Variants in CHDH observed in about 807,000 individuals in gnomAD.
CHDH encodes choline dehydrogenase, mitochondrial.
In CHDH, 43 loss-of-function variants were observed where a neutral mutation model predicts 56.9. The observed-to-expected ratio is 0.76, with a 90% confidence interval of 0.59 to 0.97. The LOEUF is 0.97. Ranked by LOEUF, CHDH falls within the 50% of genes least tolerant of loss-of-function variation. CHDH has a pLI of 0.00. For missense variants in CHDH, 816 were observed against 821.1 expected (o/e 0.99, Z 0.08); for synonymous variants, 364 against 348.5 (o/e 1.04, Z -0.50).
In CHDH at chr3:53,823,959, C is replaced by T; in HGVS notation, c.50G>A (p.Gly17Glu). 4 of 1,516,732 alleles carry T rather than the reference C, an allele frequency of 2.6e-6. No homozygotes were observed. Among genetic ancestry groups the T allele is most frequent in the Non-Finnish European group, 3.5e-6 (4 of 1,138,948 alleles). 94.0% of individuals were successfully genotyped at this position (1,516,732 alleles called of 1,614,324 possible). ...CAGGGATTGCTGCTGCCCCAGGGCT[C>T]CCCGTGCCAGGGCTCCAGGCCGGCC... Reference protein sequence around the residue: ...GLGRPGALARGALGQQQSLGA... With the variant: ...GLGRPGALAREALGQQQSLGA... Residue 17 changes from glycine (G) to glutamate (E), a missense_variant, in exon 3 of 9, where the codon GGA (glycine) becomes GAA (glutamate). Coordinates refer to ENST00000315251, the MANE Select transcript of CHDH (RefSeq NM_018397.5).
At chr3:53,839,187 T>G (rs1224786241) in intron 2 of CHDH, among the ~76,000 whole-genome samples, 4 of 152,036 alleles carry the variant, frequency 2.6e-5, no homozygotes, top group African/African-American at 9.7e-5. Flanking sequence ...CAGGCAGGGG[T>G]CTGAACGGGA....
intron 2 of CHDH, among the ~76,000 whole-genome samples, chr3:53,837,677 C>T (rs1698540716): frequency 6.6e-6 from 1 of 152,200 alleles, no homozygotes. Context: ...TTCCAGGCCT[C>T]TGCCCTCTGC....
In CHDH at chr3:53,816,145, C is replaced by CT. The variant is rs1248074712; in HGVS notation, c.*1631_*1632insA. Reference sequence around the variant, plus strand: ...GTGGCTGTCGGACGCCCCCCCCCCCCGCCCCAGTCTGTAAGCCGCCCCAAT... The same window carrying CT: ...GTGGCTGTCGGACGCCCCCCCCCCCCTGCCCCAGTCTGTAAGCCGCCCCAAT... On this transcript the variant is annotated 3_prime_UTR_variant, in exon 9 of 9. Transcript: ENST00000315251. 1 of 109,466 alleles carries CT rather than the reference C, an allele frequency of 9.1e-6. No individual in the cohort carries two copies. The highest frequency in any genetic ancestry group is 1.8e-5 in the Non-Finnish European group (1 of 56,294). 6.8% of individuals were successfully genotyped at this position (109,466 alleles called of 1,614,324 possible).
rs112121329 is a variant in CHDH at position 53,829,941 on chromosome 3, G to C, written c.-59-5874C>G. 8.1e-3 allele frequency among the ~76,000 whole-genome samples: 1,237 copies of C among 152,182 alleles called. 25 individuals carry two copies. Among genetic ancestry groups the C allele is most frequent in the African/African-American group, 0.027 (1,132 of 41,500 alleles). ...TTCAAACCAACTTTGGGTGGTGGGG[G>C]GTTGATCCCACCCTCCATGGGCAAC... On this transcript the variant is annotated intron_variant, in intron 2 of 8. Transcript: ENST00000315251.
At chr3:53,836,036 G>C (rs1398329335) in intron 2 of CHDH, among the ~76,000 whole-genome samples, 2 of 152,178 alleles carry the variant, frequency 1.3e-5, no homozygotes, top group African/African-American at 2.4e-5. Context: ...AGCCAAGAAG[G>C]CTTGGCTGCT....
intron 2 of CHDH, among the ~76,000 whole-genome samples, chr3:53,827,484 T>TA (rs373739773): frequency 0.015 from 2,237 of 150,182 alleles, 58 homozygotes; most frequent in African/African-American, 0.051. Context: ...ATACCATCTC[T>TA]AAAAAAAAAT....
chr3:53,831,006 C>T (rs1443454747), intron 2 of CHDH, among the ~76,000 whole-genome samples: 1 of 152,190 alleles, frequency 6.6e-6, no homozygotes, highest in Non-Finnish European at 1.5e-5. Context: ...AGTGGCCTTT[C>T]CGGACCAACC....
At chr3:53,845,709 C>A (rs994190340) in intron 1 of CHDH, among the ~76,000 whole-genome samples, 6 of 152,158 alleles carry the variant, frequency 3.9e-5, no homozygotes, top group African/African-American at 1.4e-4. Flanking sequence ...GCTAGAGATC[C>A]CGGGCCAGGG....
intron 2 of CHDH, among the ~76,000 whole-genome samples, chr3:53,836,950 G>A (rs1296649252): frequency 6.6e-6 from 1 of 152,258 alleles, no homozygotes; most frequent in Non-Finnish European, 1.5e-5. Flanking sequence ...TCTGGGCTGA[G>A]GCAGGATTGC....
In CHDH at chr3:53,815,906, A is replaced by T. The variant is rs2095614930; in HGVS notation, c.*1871T>A. The T allele has an allele frequency of 6.6e-6, 1 of 152,234 alleles. No individual in the cohort carries two copies. The highest frequency in any genetic ancestry group is 1.5e-5 in the Non-Finnish European group (1 of 68,050). The allele number at this position is 152,234 out of a possible 1,614,324, so 9.4% of individuals were successfully genotyped here. On this transcript the variant is annotated 3_prime_UTR_variant, in exon 9 of 9. Coordinates refer to ENST00000315251, the MANE Select transcript of CHDH (RefSeq NM_018397.5). Reference sequence around the variant, plus strand: ...CCCGAGACCCAGGTGACTGATGGCCATGGACTGCTGCTGTGGGGCAGGTGG... The same window carrying T: ...CCCGAGACCCAGGTGACTGATGGCCTTGGACTGCTGCTGTGGGGCAGGTGG...
chr3:53,821,681 C>G lies in CHDH; in HGVS notation c.951G>C (p.Lys317Asn). The change falls in exon 5 of 9, where the codon AAG (lysine) becomes AAC (asparagine). Residue 317 changes from lysine (K) to asparagine (N), a missense_variant. Transcript: ENST00000315251. The part of the protein sequence containing the change: ...LSGIGNADDL[K>N]KLGIPVVCHL... ...GGCACACCACAGGGATGCCCAGTTT[C>G]TTGAGGTCATCAGCATTCCCGATGC... 1 of 1,614,054 alleles carries G rather than the reference C, an allele frequency of 6.2e-7. No homozygotes were observed. Among genetic ancestry groups the G allele is most frequent in the South Asian group, 1.1e-5 (1 of 91,076 alleles).
intron 2 of CHDH, among the ~76,000 whole-genome samples, chr3:53,836,621 G>A (rs1054910849): frequency 9.9e-5 from 15 of 152,268 alleles, no homozygotes; most frequent in Non-Finnish European, 2.1e-4. Flanking sequence ...CCCTGGCTGA[G>A]GGCTCCACGC....
At position 53,823,913 on chromosome 3, in the gene CHDH, G is replaced by A. The variant is rs760426229; in HGVS notation, c.96C>T (p.Ser32=). 7.7e-6 allele frequency: 12 copies of A among 1,555,162 alleles called. No individual in the cohort carries two copies. Among genetic ancestry groups the A allele is most frequent in the Non-Finnish European group, 1.0e-5 (12 of 1,158,942 alleles). Residue 32 remains serine (S), a synonymous_variant, in exon 3 of 9, where the codon AGC becomes AGT. Coordinates refer to ENST00000315251, the MANE Select transcript of CHDH (RefSeq NM_018397.5). ...QQSLGARALA[S]AGSESRDEYS... ...ACTCGTCCCGGCTCTCAGAGCCTGC[G>A]CTGGCCAGGGCCCGGGCACCCAGGG...
At chr3:53,829,875 G>T (rs113118701) in intron 2 of CHDH, among the ~76,000 whole-genome samples, 2 of 152,132 alleles carry the variant, frequency 1.3e-5, no homozygotes, top group South Asian at 2.1e-4. Flanking sequence ...TAAACCTTAT[G>T]GTAGCCACTT....
In CHDH at chr3:53,823,854, C is replaced by T; in HGVS notation, c.155G>A (p.Gly52Asp). Residue 52 changes from glycine (G) to aspartate (D), a missense_variant, in exon 3 of 9, where the codon GGC becomes GAC. Coordinates refer to ENST00000315251, the MANE Select transcript of CHDH (RefSeq NM_018397.5). Reference sequence around the variant, plus strand: ...CGTGAGCCTCCCAGCCAGCACGCAGCCCGCCGAGCCCGCGCCCACCACCAC... The same window carrying T: ...CGTGAGCCTCCCAGCCAGCACGCAGTCCGCCGAGCCCGCGCCCACCACCAC... ...SYVVVGAGSA[G>D]CVLAGRLTED... 6.3e-7 allele frequency: 1 copy of T among 1,590,100 alleles called. No homozygotes were observed. Among genetic ancestry groups the T allele is most frequent in the Non-Finnish European group, 8.5e-7 (1 of 1,175,664 alleles).
chr3:53,842,129 A>C (rs1346511855), intron 1 of CHDH, among the ~76,000 whole-genome samples: 2 of 151,968 alleles, frequency 1.3e-5, no homozygotes, highest in Non-Finnish European at 2.9e-5. Flanking sequence ...TGTCTCAAAA[A>C]AAAAAAAGAA....
chr3:53,834,082 G>A (rs1183267238), intron 2 of CHDH, among the ~76,000 whole-genome samples: 1 of 152,188 alleles, frequency 6.6e-6, no homozygotes. Context: ...ACTGGTTATG[G>A]CTGGTGGCTT....
chr3:53,818,871 G>T, intron 8 of CHDH, 67 bp downstream of exon 8: 1 of 975,554 alleles, frequency 1.0e-6, no homozygotes, highest in Non-Finnish European at 1.7e-6. Context: ...ATGATTCAGG[G>T]ATAAACAGGA....
At chr3:53,838,988 G>T (rs62250939) in intron 2 of CHDH, among the ~76,000 whole-genome samples, 3,700 of 152,208 alleles carry the variant, frequency 0.024, 54 homozygotes, top group South Asian at 0.08. Context: ...CAGTGTCCCT[G>T]CTACTAGTGC....
Sources: allele counts gnomAD v4.1 joint callset (sites outside exome capture counted in the v4.1 genomes callset), GRCh38; gene constraint gnomAD v4.1.1; transcripts MANE v1.5; gene names NCBI Gene and HGNC (gene_info 2026-07-23, HGNC 2026-07-21).